The following HNRNPUL1 variants were observed in gnomAD, a reference collection of about 807,000 sequenced individuals.
HNRNPUL1 encodes heterogeneous nuclear ribonucleoprotein U like 1.
HNRNPUL1 carries 14 observed loss-of-function variants against 108.5 expected under a neutral mutation model. The observed-to-expected ratio is 0.13, with a 90% CI of 0.09 to 0.20. The LOEUF is 0.20. Among genes scored for constraint, HNRNPUL1 ranks in the 10% least tolerant of loss-of-function variants. The pLI, the probability that HNRNPUL1 is intolerant of heterozygous loss-of-function variation, is 1.00. For synonymous variants in HNRNPUL1, 422 were observed against 445.2 expected (o/e 0.95, Z 0.66); for missense variants, 804 against 1,168.3 (o/e 0.69, Z 4.55).
chr19:41,275,731 C>A (rs982221293), intron 4 of HNRNPUL1, among the ~76,000 whole-genome samples: 4 of 152,086 alleles, frequency 2.6e-5, no homozygotes, highest in African/African-American at 9.7e-5. Context: ...TGAAACTGCC[C>A]CCATGATGTG....
Position 41,264,798 on chromosome 19 carries a change from T to A in HNRNPUL1, c.295T>A (p.Tyr99Asn). The A allele has an allele frequency of 3.0e-6, 4 of 1,351,930 alleles. No homozygotes were observed. Among genetic ancestry groups the A allele is most frequent in the Non-Finnish European group, 3.8e-6 (4 of 1,056,764 alleles). 83.7% of individuals were successfully genotyped at this position (1,351,930 alleles called of 1,614,324 possible). A position where few individuals can be genotyped will look rare whatever the true frequency, so the allele number is the denominator to read the frequency against. ...PGGYSGPDGHYAMDNITRQNQ... is the reference protein window; with the variant it reads ...PGGYSGPDGHNAMDNITRQNQ... ...CGGCTACTCGGGGCCGGACGGACAT[T>A]GTGAGAGTGCGCGGGGCGGGGGCCG... Residue 99 changes from tyrosine to asparagine, a missense_variant and splice_region_variant, in exon 1 of 15, where the codon TAT (tyrosine) becomes AAT (asparagine). Coordinates refer to ENST00000392006, the MANE Select transcript of HNRNPUL1 (RefSeq NM_007040.6).
intron 4 of HNRNPUL1, among the ~76,000 whole-genome samples, chr19:41,274,338 T>C (rs1465812773): frequency 6.6e-6 from 1 of 152,180 alleles, no homozygotes; most frequent in Non-Finnish European, 1.5e-5. Context: ...GGGAGACTCC[T>C]CAGTGGATAT....
Position 41,292,194 on chromosome 19 carries a change from A to C in HNRNPUL1, c.1000-51A>C. On this transcript the variant is annotated intron_variant, in intron 7 of 14. Transcript: ENST00000392006. The surrounding 1 kb of genome is among the most constrained non-coding windows in gnomAD (Gnocchi z 4.1). ...TCTACTGTCCTCACATTTGACTCCC[A>C]GTGCCTATGGCAAGAGTTGGCAATC... 1 of 1,592,594 alleles carries C rather than the reference A, an allele frequency of 6.3e-7. No individual in the cohort carries two copies. The highest frequency in any genetic ancestry group is 8.6e-7 in the Non-Finnish European group (1 of 1,163,756).
intron 7 of HNRNPUL1, among the ~76,000 whole-genome samples, chr19:41,286,961 G>T (rs555423270): frequency 1.2e-4 from 18 of 151,096 alleles, no homozygotes; most frequent in South Asian, 2.1e-4. Flanking sequence ...CAGATGATCC[G>T]CCCGCCTCAG....
chr19:41,265,102 G>T (rs1217801654), intron 1 of HNRNPUL1: 1 of 1,417,052 alleles, frequency 7.1e-7, no homozygotes, highest in African/African-American at 1.5e-5. Context: ...TGGAGCCGAA[G>T]AGAGTCGGAA....
At chr19:41,289,194 CT>C (rs1479098285) in intron 7 of HNRNPUL1, among the ~76,000 whole-genome samples, 1 of 152,186 alleles carries the variant, frequency 6.6e-6, no homozygotes, top group East Asian at 1.9e-4. Context: ...TGCATCCAGT[CT>C]TAAGATTCCT....
intron 6 of HNRNPUL1, among the ~76,000 whole-genome samples, chr19:41,279,821 A>G (rs140148192): frequency 6.2e-4 from 94 of 152,374 alleles, no homozygotes; most frequent in Non-Finnish European, 1.2e-3. Flanking sequence ...TAAACCTGTG[A>G]GAGAAACTAA....
In HNRNPUL1 at chr19:41,264,672, C is replaced by T; in HGVS notation, c.169C>T (p.Pro57Ser). 1 of 1,579,316 alleles carries T rather than the reference C, an allele frequency of 6.3e-7. No individual in the cohort carries two copies. Among genetic ancestry groups the T allele is most frequent in the South Asian group, 1.1e-5 (1 of 89,040 alleles). ...ELDADDEPGR[P>S]GHINEEVETE... ...CGACGCCGACGACGAACCGGGGCGA[C>T]CCGGGCACATCAACGAGGAGGTCGA... The change falls in exon 1 of 15, where the codon CCC becomes TCC. Residue 57 changes from proline (P) to serine (S), a missense_variant. Pro to Ser is a moderately conservative substitution (Grantham distance 74). Coordinates refer to ENST00000392006, the MANE Select transcript of HNRNPUL1 (RefSeq NM_007040.6).
chr19:41,291,041 C>T (rs1206096228), intron 7 of HNRNPUL1, among the ~76,000 whole-genome samples: 2 of 152,074 alleles, frequency 1.3e-5, no homozygotes, highest in Non-Finnish European at 2.9e-5. Context: ...AGTGAAATTC[C>T]GTCTCAACAA....
At chr19:41,303,350 A>ATTTTT (rs34393408) in intron 12 of HNRNPUL1, among the ~76,000 whole-genome samples, 7 of 119,094 alleles carry the variant, frequency 5.9e-5, no homozygotes, top group African/African-American at 2.0e-4. Flanking sequence ...GCTTCCTCTC[A>ATTTTT]TTTTTTTTTT....
intron 12 of HNRNPUL1, among the ~76,000 whole-genome samples, 159 bp downstream of exon 12, chr19:41,303,108 A>G (rs933971388): frequency 6.6e-6 from 1 of 152,058 alleles, no homozygotes; most frequent in African/African-American, 2.4e-5. Flanking sequence ...GACCTCAGAA[A>G]CGCTCCCACT....
At chr19:41,278,457 A>G (rs1249607301) in intron 5 of HNRNPUL1, 1 of 151,976 alleles carries the variant, frequency 6.6e-6, no homozygotes, top group African/African-American at 2.4e-5. Flanking sequence ...AAATATATAT[A>G]TATATATATA....
rs1295903517 is a variant in HNRNPUL1, at chr19:41,307,067, G to C, written c.*502G>C. ...AAAAAAAAAGTTTAAAAAGCAAAAT[G>C]GGGAGGGGGAGGAAGCAGTGACTTT... On this transcript the variant is annotated 3_prime_UTR_variant, in exon 15 of 15. Coordinates refer to ENST00000392006, the MANE Select transcript of HNRNPUL1 (RefSeq NM_007040.6). The C allele has an allele frequency of 6.6e-6, 1 of 152,116 alleles. No individual in the cohort carries two copies. Among genetic ancestry groups the C allele is most frequent in the Non-Finnish European group, 1.5e-5 (1 of 68,064 alleles). The allele number at this position is 152,116 out of a possible 1,614,324, so 9.4% of individuals were successfully genotyped here.
chr19:41,292,543 C>G lies in HNRNPUL1; in HGVS notation c.1266+32C>G. The G allele has an allele frequency of 1.9e-6, 3 of 1,594,142 alleles. No individual in the cohort carries two copies. The highest frequency in any genetic ancestry group is 2.6e-6 in the Non-Finnish European group (3 of 1,165,590). On this transcript the variant is annotated intron_variant, in intron 8 of 14. Transcript: ENST00000392006. The surrounding 1 kb of genome is among the most constrained non-coding windows in gnomAD (Gnocchi z 4.1). Reference sequence around the variant, plus strand: ...GGGGCCAGAATGTATTGGTGGCCACCTTGCTGCCAAGACAGAGGAGACACA... The same window carrying G: ...GGGGCCAGAATGTATTGGTGGCCACGTTGCTGCCAAGACAGAGGAGACACA...
At chr19:41,300,508 T>TA (rs1332113802) in intron 10 of HNRNPUL1, among the ~76,000 whole-genome samples, 2 of 152,140 alleles carry the variant, frequency 1.3e-5, no homozygotes, top group Non-Finnish European at 2.9e-5. Flanking sequence ...GCCTGGGTCT[T>TA]ACTTCTAGAG....
At chr19:41,271,968 C>G (rs2122505472) in intron 2 of HNRNPUL1, 114 bp from the exon 3 acceptor site, 1 of 1,213,016 alleles carries the variant, frequency 8.2e-7, no homozygotes, top group Non-Finnish European at 1.2e-6. Flanking sequence ...GTGCCCAGCC[C>G]TTCATCACTG....
At position 41,306,668 on chromosome 19, in the gene HNRNPUL1, GGGGT is replaced by G; in HGVS notation, c.*104_*107del. On this transcript the variant is annotated 3_prime_UTR_variant, in exon 15 of 15. Coordinates refer to ENST00000392006, the MANE Select transcript of HNRNPUL1 (RefSeq NM_007040.6). ...CGCCAGATCCCGTGGTGCTGGGGAT[GGGGT>G]CATCCCAGGGCTGCCTCCCTCCAGC... The G allele has an allele frequency of 2.9e-6, 2 of 683,874 alleles. No individual in the cohort carries two copies. Among genetic ancestry groups the G allele is most frequent in the Non-Finnish European group, 4.6e-6 (2 of 436,512 alleles). The allele number at this position is 683,874 out of a possible 1,614,324, so 42.4% of individuals were successfully genotyped here.
intron 7 of HNRNPUL1, among the ~76,000 whole-genome samples, chr19:41,288,660 C>G (rs1001102670): frequency 2.0e-5 from 3 of 152,142 alleles, no homozygotes; most frequent in Non-Finnish European, 4.4e-5. Context: ...CTTTGGTGGA[C>G]ATGTCGTTAC....
chr19:41,302,235 T>TTTTG (rs2037260838), intron 11 of HNRNPUL1, among the ~76,000 whole-genome samples: 6 of 149,110 alleles, frequency 4.0e-5, no homozygotes, highest in South Asian at 4.4e-4. Context: ...TTTTTTTTTT[T>TTTTG]GGAGAGGGAG....
Sources: allele counts gnomAD v4.1 joint callset (sites outside exome capture counted in the v4.1 genomes callset), GRCh38; gene constraint gnomAD v4.1.1; non-coding constraint Gnocchi (gnomAD v3.1); transcripts MANE v1.5; gene names NCBI Gene and HGNC (gene_info 2026-07-23, HGNC 2026-07-21).